Variants in LMNB1 observed in about 807,000 individuals in gnomAD.
The protein encoded by LMNB1 is lamin B1, also known as lamin-B1.
LMNB1 carries 23 observed loss-of-function variants against 67.1 expected under a neutral mutation model. That is an observed-to-expected ratio of 0.34 (90% CI 0.25 to 0.49). The LOEUF (loss-of-function observed/expected upper bound fraction) is 0.49. Ranked by LOEUF, LMNB1 falls within the 20% of genes least tolerant of loss-of-function variation. The pLI, the probability that LMNB1 is intolerant of heterozygous loss-of-function variation, is 0.99. For missense variants in LMNB1, 634 were observed against 746.5 expected (o/e 0.85, Z 1.76); for synonymous variants, 281 against 282.9 (o/e 0.99, Z 0.07).
rs372477369 is a variant in LMNB1, at chr5:126,780,170, GAC to G, written c.359+2305_359+2306del. Among the ~76,000 whole-genome samples the G allele has an allele frequency of 1.1e-3, 167 of 152,218 alleles. 2 individuals carry two copies. Among genetic ancestry groups the G allele is most frequent in the African/African-American group, 3.9e-3 (160 of 41,544 alleles). ...TGGTCCACTGCACTCCAGCCTGGGT[GAC>G]AGAGTGAGACTCCGTCTAAAAAAAA... On this transcript the variant is annotated intron_variant, in intron 1 of 10. Transcript: ENST00000261366.
intron 1 of LMNB1, among the ~76,000 whole-genome samples, chr5:126,797,163 A>G (rs1162330121): frequency 4.6e-5 from 7 of 152,200 alleles, no homozygotes. Context: ...ATTCAAGCTT[A>G]CTTGAAATGA....
chr5:126,808,266 C>T (rs528662586), intron 3 of LMNB1, among the ~76,000 whole-genome samples: 1 of 152,270 alleles, frequency 6.6e-6, no homozygotes, highest in East Asian at 1.9e-4. Context: ...TCACTGCAAC[C>T]TGTGCCTCCT....
chr5:126,835,515 A>G (rs554158463), intron 10 of LMNB1, among the ~76,000 whole-genome samples: 1 of 152,314 alleles, frequency 6.6e-6, no homozygotes, highest in Non-Finnish European at 1.5e-5. Flanking sequence ...GTAGTCTCCG[A>G]TGTGGTTGTT....
In LMNB1 at chr5:126,805,683, G is replaced by T; in HGVS notation, c.629G>T (p.Ser210Ile). 6.2e-7 allele frequency: 1 copy of T among 1,611,514 alleles called. No individual in the cohort carries two copies. The highest frequency in any genetic ancestry group is 8.5e-7 in the Non-Finnish European group (1 of 1,178,570). ...ACTGAGGACTTGGAGTTTCGCAAAAGCATGTATGAAGAGGTAACTATATAT... is the reference window on the plus strand; with the variant it reads ...ACTGAGGACTTGGAGTTTCGCAAAATCATGTATGAAGAGGTAACTATATAT... ...SLTEDLEFRKSMYEEEINETR... is the reference protein window; with the variant it reads ...SLTEDLEFRKIMYEEEINETR... Residue 210 changes from serine to isoleucine, a missense_variant, in exon 3 of 11, where the codon AGC becomes ATC. Physicochemically the swap from Ser to Ile is moderately radical, Grantham distance 142 (BLOSUM62 -2). Transcript: ENST00000261366.
chr5:126,780,994 A>G (rs1750620447), intron 1 of LMNB1, among the ~76,000 whole-genome samples: 1 of 151,006 alleles, frequency 6.6e-6, no homozygotes, highest in Non-Finnish European at 1.5e-5. Flanking sequence ...CCTGTAACTT[A>G]TTAAAGACAG....
chr5:126,830,148 A>G (rs763985372), intron 9 of LMNB1, among the ~76,000 whole-genome samples: 8 of 152,214 alleles, frequency 5.3e-5, no homozygotes, highest in Non-Finnish European at 1.0e-4. Flanking sequence ...AAATACTCCT[A>G]CTGTGGCTGA....
At chr5:126,794,365 C>T (rs912867076) in intron 1 of LMNB1, among the ~76,000 whole-genome samples, 8 of 152,152 alleles carry the variant, frequency 5.3e-5, no homozygotes, top group Non-Finnish European at 1.0e-4. Flanking sequence ...TGATGAGTGG[C>T]TGTTGGAGCA....
At chr5:126,822,986 C>A in intron 8 of LMNB1, 101 bp downstream of exon 8, 1 of 703,840 alleles carries the variant, frequency 1.4e-6, no homozygotes, top group Non-Finnish European at 2.5e-6. Flanking sequence ...TAGAAATGGC[C>A]GTTAAAGTAC....
rs138524730 is a variant in LMNB1, at chr5:126,798,175, C to T, written c.360-6601C>T. Among the ~76,000 whole-genome samples, 1,402 of 147,504 alleles carry T rather than the reference C, an allele frequency of 9.5e-3. 26 individuals carry two copies. Among genetic ancestry groups the T allele is most frequent in the African/African-American group, 0.031 (1,229 of 39,496 alleles). On this transcript the variant is annotated intron_variant, in intron 1 of 10. Coordinates refer to ENST00000261366, the MANE Select transcript of LMNB1 (RefSeq NM_005573.4). ...CAAACAAACAAACAAACAAGCTGGGCGCGGTGGCTCACCGAGCCTGTAATC... is the reference window on the plus strand; with the variant it reads ...CAAACAAACAAACAAACAAGCTGGGTGCGGTGGCTCACCGAGCCTGTAATC...
chr5:126,798,762 A>AGTGTGTGTGT (rs71665643), intron 1 of LMNB1, among the ~76,000 whole-genome samples: 27,408 of 148,980 alleles, frequency 0.18, 2,869 homozygotes, highest in Non-Finnish European at 0.22. Context: ...AAAAAAGAGA[A>AGTGTGTGTGT]GTGTGTGTGT....
chr5:126,801,546 C>T, intron 1 of LMNB1, among the ~76,000 whole-genome samples: 1 of 152,148 alleles, frequency 6.6e-6, no homozygotes, highest in Non-Finnish European at 1.5e-5. Flanking sequence ...TTCTACACTC[C>T]ACAAGATGTT....
intron 1 of LMNB1, among the ~76,000 whole-genome samples, chr5:126,792,385 C>G (rs1408619815): frequency 1.3e-5 from 2 of 151,508 alleles, no homozygotes; most frequent in African/African-American, 4.8e-5. Flanking sequence ...TCAGGTGATT[C>G]GCCTGCCTCC....
intron 5 of LMNB1, among the ~76,000 whole-genome samples, chr5:126,812,718 C>CTTTTTTTTTTTTTTT (rs11430160): frequency 1.7e-5 from 2 of 117,158 alleles, no homozygotes; most frequent in African/African-American, 6.8e-5. Context: ...CTTTATTTTA[C>CTTTTTTTTTTTTTTT]TTTTTTTTTT....
At chr5:126,802,416 G>GT (rs1375004448) in intron 1 of LMNB1, among the ~76,000 whole-genome samples, 3 of 152,078 alleles carry the variant, frequency 2.0e-5, no homozygotes, top group African/African-American at 4.8e-5. Context: ...TACAATAGCA[G>GT]TTTTAAGAAC....
chr5:126,783,795 A>G (rs1377015705), intron 1 of LMNB1, among the ~76,000 whole-genome samples: 1 of 152,048 alleles, frequency 6.6e-6, no homozygotes, highest in African/African-American at 2.4e-5. Flanking sequence ...GTCACCTCTG[A>G]TATGTCTGAG....
At chr5:126,806,351 A>G (rs1219224138) in intron 3 of LMNB1, among the ~76,000 whole-genome samples, 1 of 152,236 alleles carries the variant, frequency 6.6e-6, no homozygotes, top group African/African-American at 2.4e-5. Context: ...AATTACTTCC[A>G]AAGTTCATCA....
At chr5:126,833,227 T>C (rs1303594867) in intron 10 of LMNB1, among the ~76,000 whole-genome samples, 1 of 152,370 alleles carries the variant, frequency 6.6e-6, no homozygotes, top group East Asian at 1.9e-4. Flanking sequence ...ATTCTTGCTG[T>C]ATTAAGTTCC....
At chr5:126,806,048 G>T (rs974551874) in intron 3 of LMNB1, among the ~76,000 whole-genome samples, 1 of 152,168 alleles carries the variant, frequency 6.6e-6, no homozygotes, top group African/African-American at 2.4e-5. Flanking sequence ...TCTGCCTCCT[G>T]GGTTCAAGCA....
In LMNB1 at chr5:126,804,751, C is replaced by T. The variant is rs985880293; in HGVS notation, c.360-25C>T. 9 of 1,609,576 alleles carry T rather than the reference C, an allele frequency of 5.6e-6. No individual in the cohort carries two copies. The Admixed American group carries it at 1.2e-4, about 21-fold the overall frequency. ...TCAAGTCATCAGTATGGTTTGATGT[C>T]TTATGCTTTTTAAATCTGTTCCAGC... On this transcript the variant is annotated intron_variant, in intron 1 of 10. Coordinates refer to ENST00000261366, the MANE Select transcript of LMNB1 (RefSeq NM_005573.4).
Sources: allele counts gnomAD v4.1 joint callset (sites outside exome capture counted in the v4.1 genomes callset), GRCh38; gene constraint gnomAD v4.1.1; transcripts MANE v1.5; gene names NCBI Gene and HGNC (gene_info 2026-07-23, HGNC 2026-07-21).